Variants in TJP1 observed in about 807,000 individuals in gnomAD.
TJP1 encodes the protein tight junction protein 1.
A neutral mutation model predicts 194.2 loss-of-function variants in TJP1; 43 were observed. The observed-to-expected ratio is 0.22, with a 90% confidence interval of 0.17 to 0.29. The LOEUF (loss-of-function observed/expected upper bound fraction) is 0.29. Ranked by LOEUF, TJP1 falls within the 10% of genes least tolerant of loss-of-function variation. TJP1 has a pLI of 1.00. For missense variants in TJP1, 1,971 were observed against 2,185.7 expected (o/e 0.90, Z 1.96); for synonymous variants, 801 against 779.0 (o/e 1.03, Z -0.47).
intron 2 of TJP1, among the ~76,000 whole-genome samples, chr15:29,871,352 G>A (rs1332785393): frequency 6.6e-6 from 1 of 152,202 alleles, no homozygotes; most frequent in Non-Finnish European, 1.5e-5. Flanking sequence ...TTCCGGCTGT[G>A]GTAGCTAATC....
At chr15:29,941,629 T>C (rs543113216) in intron 2 of TJP1, among the ~76,000 whole-genome samples, 85 of 152,228 alleles carry the variant, frequency 5.6e-4, no homozygotes, top group African/African-American at 1.9e-3. Flanking sequence ...TATGAGTCCT[T>C]CCAGATCCAG....
chr15:29,818,625 C>T (rs2050100149), intron 1 of TJP1, among the ~76,000 whole-genome samples: 1 of 151,780 alleles, frequency 6.6e-6, no homozygotes, highest in African/African-American at 2.4e-5. Flanking sequence ...CTGCCTCAGC[C>T]TTCCCATTAG....
At chr15:29,958,529 C>T (rs1045072028) in intron 1 of TJP1, among the ~76,000 whole-genome samples, 2 of 152,162 alleles carry the variant, frequency 1.3e-5, no homozygotes, top group African/African-American at 4.8e-5. Flanking sequence ...CTCAACCACC[C>T]TAAGACCTTT....
intron 5 of TJP1, 50 bp from the exon 6 acceptor site, chr15:29,762,488 A>G (rs766899713): frequency 7.2e-7 from 1 of 1,387,580 alleles, no homozygotes; most frequent in South Asian, 1.2e-5. Flanking sequence ...AAGACACCTA[A>G]ATAGATTTTA....
At chr15:29,806,936 T>C (rs1349310702) in intron 1 of TJP1, among the ~76,000 whole-genome samples, 1 of 152,132 alleles carries the variant, frequency 6.6e-6, no homozygotes, top group East Asian at 1.9e-4. Context: ...GTCCTAACGA[T>C]ATTCAGGGAT....
intron 2 of TJP1, among the ~76,000 whole-genome samples, chr15:29,830,308 GA>G (rs1387918118): frequency 1.3e-5 from 2 of 150,226 alleles, no homozygotes; most frequent in Non-Finnish European, 3.0e-5. Flanking sequence ...ACACATGTCA[GA>G]ATAATATTAT....
chr15:29,949,120 A>ATC lies in TJP1; in HGVS notation c.306+7111_306+7112insGA, dbSNP rs1418430875. On this transcript the variant is annotated intron_variant, in intron 2 of 28. Transcript: ENST00000356107. ...CCACCTCCACCACTTCCACCTCTAC[A>ATC]ACCACCACCTCCACCTCCACCTTCA... Among the ~76,000 whole-genome samples, 14 of 108,008 alleles carry ATC rather than the reference A, an allele frequency of 1.3e-4. 1 individual carries two copies. The East Asian group carries it at 2.1e-3, about 17-fold the overall frequency. The allele number at this position is 108,008 out of a possible 152,430, so 70.9% of individuals were successfully genotyped here. A position where few individuals can be genotyped will look rare whatever the true frequency, so the allele number is the denominator to read the frequency against.
chr15:29,913,629 T>C (rs1199983050), intron 2 of TJP1, among the ~76,000 whole-genome samples: 2 of 152,148 alleles, frequency 1.3e-5, no homozygotes, highest in South Asian at 2.1e-4. Context: ...GAGACACTTA[T>C]GAAGATCGCA....
chr15:29,894,233 C>G (rs1028403999), intron 2 of TJP1, among the ~76,000 whole-genome samples: 7 of 152,132 alleles, frequency 4.6e-5, no homozygotes, highest in Non-Finnish European at 1.0e-4. Context: ...CTGAGGTGGG[C>G]AGATCACTTG....
chr15:29,740,113 G>A (rs771440088), intron 10 of TJP1, among the ~76,000 whole-genome samples: 9 of 151,620 alleles, frequency 5.9e-5, no homozygotes, highest in Non-Finnish European at 1.3e-4. Flanking sequence ...TCAACCTCCC[G>A]AGTAGCTGGG....
intron 1 of TJP1, chr15:29,968,439 G>A (rs2056406185): frequency 6.1e-6 from 6 of 981,070 alleles, no homozygotes; most frequent in Non-Finnish European, 7.3e-6. Context: ...CACAGCGAGG[G>A]TCTCGGCGAA....
chr15:29,708,196 CA>C (rs770746842), intron 25 of TJP1, among the ~76,000 whole-genome samples: 4,815 of 63,544 alleles, frequency 0.076, 88 homozygotes, highest in Middle Eastern at 0.15. Flanking sequence ...ACTCTTGTCT[CA>C]AAAAAAAAAA....
chr15:29,759,525 A>G (rs973064140), intron 8 of TJP1: 2 of 152,192 alleles, frequency 1.3e-5, no homozygotes, highest in South Asian at 4.1e-4. Context: ...AATTTCAAGT[A>G]TACGTTATTA....
At chr15:29,850,328 T>C (rs2051592135) in intron 2 of TJP1, among the ~76,000 whole-genome samples, 1 of 152,052 alleles carries the variant, frequency 6.6e-6, no homozygotes, top group Admixed American at 6.6e-5. Context: ...AATAAATGTT[T>C]ATTTTTGTTT....
At chr15:29,820,603 T>C (rs12898473) in intron 1 of TJP1, 1 of 716,180 alleles carries the variant, frequency 1.4e-6, no homozygotes, top group East Asian at 2.7e-5. Flanking sequence ...TTGTCTTGCA[T>C]ATTAAGTACC....
At chr15:29,787,138 T>C (rs1313807041) in intron 2 of TJP1, among the ~76,000 whole-genome samples, 1 of 152,180 alleles carries the variant, frequency 6.6e-6, no homozygotes, top group Non-Finnish European at 1.5e-5. Context: ...ATATAATTCA[T>C]ATATCATAAA....
chr15:29,796,240 C>T (rs533949578), intron 2 of TJP1, among the ~76,000 whole-genome samples: 1 of 151,706 alleles, frequency 6.6e-6, no homozygotes, highest in Admixed American at 6.6e-5. Flanking sequence ...AAAACTGCCT[C>T]TATACACAGA....
At chr15:29,847,500 C>A (rs2461737) in intron 2 of TJP1, among the ~76,000 whole-genome samples, 57,232 of 152,014 alleles carry the variant, frequency 0.38, 11,507 homozygotes, top group African/African-American at 0.52. Flanking sequence ...AAAGTAAGCA[C>A]TTGGGCTGGG....
At chr15:29,719,279 TAGTGGAAAAAGCTGGTTTA>T (rs1402019041) in intron 20 of TJP1, 141 bp from the exon 21 acceptor site, 3 of 1,094,836 alleles carry the variant, frequency 2.7e-6, no homozygotes, top group African/African-American at 1.6e-5. Context: ...TAGACAAGAT[TAGTGGAAAAAGCTGGTTTA>T]AGTGAAAGCT....
Sources: allele counts gnomAD v4.1 joint callset (sites outside exome capture counted in the v4.1 genomes callset), GRCh38; gene constraint gnomAD v4.1.1; transcripts MANE v1.5; gene names NCBI Gene and HGNC (gene_info 2026-07-23, HGNC 2026-07-21).